Variants in ADGRL2 observed in about 807,000 individuals in gnomAD.
ADGRL2 encodes calcium-independent alpha-latrotoxin receptor 2.
In ADGRL2, 44 loss-of-function variants were observed where a neutral mutation model predicts 157.4. The observed-to-expected ratio is 0.28, with a 90% confidence interval of 0.22 to 0.36. ADGRL2 has a LOEUF of 0.36. Among genes scored for constraint, ADGRL2 ranks in the 10% least tolerant of loss-of-function variants. The pLI is 1.00. For missense variants in ADGRL2, 1,510 were observed against 1,768.9 expected (o/e 0.85, Z 2.63); for synonymous variants, 585 against 624.7 (o/e 0.94, Z 0.95).
At chr1:81,479,157 TA>T (rs1258377404) in intron 2 of ADGRL2, among the ~76,000 whole-genome samples, 2 of 151,700 alleles carry the variant, frequency 1.3e-5, no homozygotes, top group Non-Finnish European at 2.9e-5. Context: ...TTGATTAAAA[TA>T]TTTTTTTCTT....
At chr1:81,551,604 T>G (rs2080148171) in intron 2 of ADGRL2, among the ~76,000 whole-genome samples, 3 of 152,196 alleles carry the variant, frequency 2.0e-5, no homozygotes. Context: ...CCAAATGCTG[T>G]GATTATGTGC....
At chr1:81,796,019 T>A (rs2087568391), upstream of ADGRL2, among the ~76,000 whole-genome samples, 1 of 152,254 alleles carries the variant, frequency 6.6e-6, no homozygotes, top group Admixed American at 6.5e-5. Flanking sequence ...AGTCTCACTC[T>A]GTTGCCCAGT....
chr1:81,676,555 C>T (rs888662882), intron 3 of ADGRL2, among the ~76,000 whole-genome samples: 1 of 152,128 alleles, frequency 6.6e-6, no homozygotes, highest in African/African-American at 2.4e-5. Context: ...TCTACCTTGG[C>T]CTCCCAAAGT....
chr1:81,638,043 G>T (rs1055998305), intron 3 of ADGRL2, among the ~76,000 whole-genome samples: 1 of 151,572 alleles, frequency 6.6e-6, no homozygotes, highest in Non-Finnish European at 1.5e-5. Context: ...TTCATATACC[G>T]TGTTGGTCCC....
At chr1:81,313,902 A>G (rs1174087430) in intron 1 of ADGRL2, among the ~76,000 whole-genome samples, 1 of 152,118 alleles carries the variant, frequency 6.6e-6, no homozygotes. Context: ...CAAAACATCT[A>G]GTATTGATAT....
chr1:81,803,370 G>A (rs1038562266), intron 1 of ADGRL2, among the ~76,000 whole-genome samples: 2 of 152,074 alleles, frequency 1.3e-5, no homozygotes, highest in African/African-American at 2.4e-5. Context: ...TGCGGGGTGG[G>A]GGTGAGGGGA....
At chr1:81,873,463 G>A (rs983955476) in intron 2 of ADGRL2, among the ~76,000 whole-genome samples, 1 of 152,030 alleles carries the variant, frequency 6.6e-6, no homozygotes, top group Non-Finnish European at 1.5e-5. Context: ...TGATTGAAAT[G>A]TAAAAAAACC....
Position 81,968,292 on chromosome 1 carries a change from A to T in ADGRL2, c.2523+93A>T. Reference sequence around the variant, plus strand: ...GTCCCATTCTTTGGGTGCTTACCGTAACTAAAAAGCAAACAAAGTAATGTT... The same window carrying T: ...GTCCCATTCTTTGGGTGCTTACCGTTACTAAAAAGCAAACAAAGTAATGTT... On this transcript the variant is annotated intron_variant, in intron 14 of 23. Coordinates refer to ENST00000686636, the MANE Select transcript of ADGRL2 (RefSeq NM_001366006.2). The T allele has an allele frequency of 4.7e-6, 5 of 1,071,910 alleles. No homozygotes were observed. In the South Asian group the frequency reaches 6.8e-5, roughly 15 times the overall value. 66.4% of individuals were successfully genotyped at this position (1,071,910 alleles called of 1,614,324 possible).
At position 81,431,361 on chromosome 1, in the gene ADGRL2, G is replaced by A. The variant is rs527749389; in HGVS notation, c.-301-13675G>A. Among the ~76,000 whole-genome samples, 6 of 152,136 alleles carry A rather than the reference G, an allele frequency of 3.9e-5. No individual in the cohort carries two copies. In the East Asian group the frequency reaches 9.7e-4, roughly 25 times the overall value. On this transcript the variant is annotated intron_variant, in intron 1 of 24. Coordinates refer to the ADGRL2 transcript ENST00000370721. ...ACCTGACAGAATGAAAAGTGATTCCGGAGCTGCCACTCACCACAAATCCCC... is the reference window on the plus strand; with the variant it reads ...ACCTGACAGAATGAAAAGTGATTCCAGAGCTGCCACTCACCACAAATCCCC...
rs1553156786 is a variant in ADGRL2, at chr1:81,356,971, A to AAAG, written c.-302+50466_-302+50468dup. Among the ~76,000 whole-genome samples the AAAG allele has an allele frequency of 9.6e-3, 946 of 98,572 alleles. 17 individuals are homozygous for AAAG. The highest frequency in any genetic ancestry group is 0.026 in the East Asian group (59 of 2,292). The allele number at this position is 98,572 out of a possible 152,430, so 64.7% of individuals were successfully genotyped here. ...CCGTCTCAAAAAAAAAAAAAAAAAA[A>AAAG]AAGAAGTTGTTTCCTTTTAAAGCTC... is the stretch of plus-strand genomic sequence containing the variant. On this transcript the variant is annotated intron_variant, in intron 1 of 24. Transcript: ENST00000370721.
At chr1:81,479,258 A>G (rs146327979) in intron 2 of ADGRL2, among the ~76,000 whole-genome samples, 2,101 of 151,708 alleles carry the variant, frequency 0.014, 24 homozygotes, top group Non-Finnish European at 0.021. Flanking sequence ...GGATCACCTC[A>G]GGTCAGGAAT....
At chr1:81,380,415 T>A (rs942184998) in intron 1 of ADGRL2, among the ~76,000 whole-genome samples, 4 of 152,242 alleles carry the variant, frequency 2.6e-5, no homozygotes, top group African/African-American at 9.6e-5. Flanking sequence ...TACTTTTTAA[T>A]CTTTTGCAAA....
intron 1 of ADGRL2, among the ~76,000 whole-genome samples, chr1:81,427,808 A>C (rs113091595): frequency 0.013 from 1,962 of 152,276 alleles, 19 homozygotes; most frequent in East Asian, 0.044. Context: ...TGCCATAGCC[A>C]TAGTTTGCAA....
chr1:81,534,022 A>G (rs1298154461), intron 2 of ADGRL2, among the ~76,000 whole-genome samples: 1 of 152,216 alleles, frequency 6.6e-6, no homozygotes, highest in Non-Finnish European at 1.5e-5. Flanking sequence ...CCTTTTCTAG[A>G]CTATCGTCAA....
intron 1 of ADGRL2, among the ~76,000 whole-genome samples, chr1:81,703,553 A>G (rs2083640171): frequency 6.6e-6 from 1 of 152,176 alleles, no homozygotes; most frequent in Admixed American, 6.6e-5. Context: ...CAGTGTGGAC[A>G]TTGGTGAGAT....
At chr1:81,553,932 G>A (rs774424714) in intron 2 of ADGRL2, among the ~76,000 whole-genome samples, 8 of 152,184 alleles carry the variant, frequency 5.3e-5, no homozygotes, top group Non-Finnish European at 1.0e-4. Context: ...TTTTGCTTAT[G>A]TATGGGCAGG....
At chr1:81,682,807 C>T (rs1183360136) in intron 3 of ADGRL2, among the ~76,000 whole-genome samples, 1 of 152,130 alleles carries the variant, frequency 6.6e-6, no homozygotes, top group Non-Finnish European at 1.5e-5. Flanking sequence ...ACAGGTTTGT[C>T]CATGAAAGTG....
intron 2 of ADGRL2, among the ~76,000 whole-genome samples, chr1:81,788,029 A>G (rs1201956408): frequency 6.6e-6 from 1 of 152,200 alleles, no homozygotes; most frequent in Non-Finnish European, 1.5e-5. Context: ...CTCTTGATCT[A>G]TCTTCTATTT....
At chr1:81,460,848 T>G (rs909587072) in intron 2 of ADGRL2, among the ~76,000 whole-genome samples, 10 of 152,232 alleles carry the variant, frequency 6.6e-5, no homozygotes, top group Non-Finnish European at 1.5e-4. Context: ...CTGTCTTCCT[T>G]GCAAAATTGC....
Sources: allele counts gnomAD v4.1 joint callset (sites outside exome capture counted in the v4.1 genomes callset), GRCh38; gene constraint gnomAD v4.1.1; transcripts MANE v1.5; gene names NCBI Gene and HGNC (gene_info 2026-07-23, HGNC 2026-07-21).